The following PIP5K1B variants were observed in gnomAD, a reference collection of about 807,000 sequenced individuals.
PIP5K1B encodes phosphatidylinositol-4-phosphate 5-kinase type 1 beta.
A neutral mutation model predicts 67.0 loss-of-function variants in PIP5K1B; 42 were observed. The ratio of observed to expected loss-of-function variants is 0.63; its 90% CI spans 0.49 to 0.81. The LOEUF is 0.81. Among genes scored for constraint, PIP5K1B ranks in the 30% least tolerant of loss-of-function variants. The pLI, the probability that PIP5K1B is intolerant of heterozygous loss-of-function variation, is 0.00. For missense variants in PIP5K1B, 459 were observed against 646.3 expected (o/e 0.71, Z 3.14); for synonymous variants, 214 against 231.4 (o/e 0.92, Z 0.68).
chr9:68,834,634 G>C (rs1834501706), intron 4 of PIP5K1B, among the ~76,000 whole-genome samples: 1 of 152,104 alleles, frequency 6.6e-6, no homozygotes, highest in Admixed American at 6.5e-5. Flanking sequence ...ATATGTTCTT[G>C]AGCCTACAGT....
At chr9:68,885,646 G>A (rs1014074439) in intron 6 of PIP5K1B, among the ~76,000 whole-genome samples, 1 of 148,990 alleles carries the variant, frequency 6.7e-6, no homozygotes, top group Non-Finnish European at 1.5e-5. Flanking sequence ...GTATGCAAAG[G>A]CATGCAGAGT....
rs546740048 is a variant in PIP5K1B at position 68,716,316 on chromosome 9, A to C, written c.-243+10554A>C. 2.1e-4 allele frequency among the ~76,000 whole-genome samples: 32 copies of C among 152,356 alleles called. 1 individual carries two copies. The East Asian group carries it at 5.8e-3, about 27-fold the overall frequency. The stretch of plus-strand genomic sequence containing the variant: ...TGCCATAACATATAACTTGACTTAA[A>C]TAGGTTTGTCTGATCTCTCCCATCA... On this transcript the variant is annotated intron_variant, in intron 1 of 15. Coordinates refer to ENST00000265382, the MANE Select transcript of PIP5K1B (RefSeq NM_003558.4).
intron 2 of PIP5K1B, among the ~76,000 whole-genome samples, chr9:68,773,824 C>T (rs942936176): frequency 7.2e-5 from 11 of 152,042 alleles, no homozygotes; most frequent in Admixed American, 1.3e-4. Context: ...CTGTACTTAA[C>T]GGGCCCTCAA....
At chr9:68,845,191 G>A (rs922952243) in intron 4 of PIP5K1B, among the ~76,000 whole-genome samples, 3 of 152,198 alleles carry the variant, frequency 2.0e-5, no homozygotes, top group African/African-American at 7.2e-5. Context: ...GCCCCCTGGT[G>A]GCAGAAGGAG....
intron 5 of PIP5K1B, among the ~76,000 whole-genome samples, chr9:68,867,253 C>T (rs182868829): frequency 1.3e-5 from 2 of 152,288 alleles, no homozygotes; most frequent in African/African-American, 4.8e-5. Context: ...CACCCTCGGA[C>T]TCCGGCTCCC....
rs557344228 is a variant in PIP5K1B at position 68,781,222 on chromosome 9, T to G, written c.-85-37239T>G. On this transcript the variant is annotated intron_variant, in intron 2 of 15. Transcript: ENST00000265382. ...TTGGATACCCTTGAATTCAGTGTAG[T>G]AATATTTTCAGACGTTTCCCCAATA... The G allele has an allele frequency of 1.5e-5, 10 of 677,112 alleles. No individual in the cohort carries two copies. The South Asian group carries it at 1.8e-4, about 12-fold the overall frequency. The allele number at this position is 677,112 out of a possible 1,614,324, so 41.9% of individuals were successfully genotyped here. A position where few individuals can be genotyped will look rare whatever the true frequency, so the allele number is the denominator to read the frequency against.
intron 2 of PIP5K1B, among the ~76,000 whole-genome samples, chr9:68,790,576 A>C (rs2132495201): frequency 6.6e-6 from 1 of 150,762 alleles, no homozygotes; most frequent in East Asian, 1.9e-4. Flanking sequence ...GTGTATGTAC[A>C]CCCAAACGCA....
chr9:68,920,801 CAT>C (rs1445329295), intron 11 of PIP5K1B, among the ~76,000 whole-genome samples: 1 of 140,426 alleles, frequency 7.1e-6, no homozygotes, highest in African/African-American at 2.7e-5. Context: ...CATACACACA[CAT>C]ACACACACAC....
intron 9 of PIP5K1B, among the ~76,000 whole-genome samples, chr9:68,918,722 G>A (rs1040576515): frequency 2.0e-5 from 3 of 152,040 alleles, no homozygotes; most frequent in Non-Finnish European, 2.9e-5. Flanking sequence ...CTAAACCATG[G>A]GCATATTTCA....
At chr9:68,963,156 G>A (rs1327997543) in intron 14 of PIP5K1B, 1 of 456,092 alleles carries the variant, frequency 2.2e-6, no homozygotes, top group East Asian at 6.9e-5. Context: ...AAAATTGTGA[G>A]GACTAATGTG....
At chr9:68,849,907 T>C (rs1822397301) in intron 4 of PIP5K1B, among the ~76,000 whole-genome samples, 1 of 152,230 alleles carries the variant, frequency 6.6e-6, no homozygotes, top group Admixed American at 6.5e-5. Context: ...TATCTTTCAG[T>C]CTGATATATT....
At chr9:68,854,068 A>G (rs956408121) in intron 4 of PIP5K1B, among the ~76,000 whole-genome samples, 5 of 150,850 alleles carry the variant, frequency 3.3e-5, no homozygotes, top group Admixed American at 6.6e-5. Context: ...TGGACTGTAC[A>G]TACCAGATGT....
intron 2 of PIP5K1B, among the ~76,000 whole-genome samples, chr9:68,792,058 C>T (rs569955182): frequency 4.6e-5 from 7 of 152,364 alleles, no homozygotes; most frequent in African/African-American, 1.7e-4. Context: ...GCACATCTTT[C>T]CTGATGGCCC....
At position 68,936,026 on chromosome 9, in the gene PIP5K1B, T is replaced by C. The variant is rs74875866; in HGVS notation, c.1357+981T>C. On this transcript the variant is annotated intron_variant, in intron 13 of 15. Transcript: ENST00000265382. ...TTTATAATATTTTTCTTGTGTGGCTTGTACATATACCTTTTGTTAGATTTA... is the reference window on the plus strand; with the variant it reads ...TTTATAATATTTTTCTTGTGTGGCTCGTACATATACCTTTTGTTAGATTTA... 2.9e-3 allele frequency: 442 copies of C among 152,372 alleles called. 1 individual carries two copies. The highest frequency in any genetic ancestry group is 0.01 in the African/African-American group (422 of 41,598). 9.4% of individuals were successfully genotyped at this position (152,372 alleles called of 1,614,324 possible). A position where few individuals can be genotyped will look rare whatever the true frequency, so the allele number is the denominator to read the frequency against.
intron 1 of PIP5K1B, among the ~76,000 whole-genome samples, chr9:68,714,439 T>C (rs775038572): frequency 6.6e-6 from 1 of 152,242 alleles, no homozygotes; most frequent in Admixed American, 6.5e-5. Flanking sequence ...GATTCTATCC[T>C]AGCCCAACTT....
chr9:68,960,751 T>C (rs1309638228), intron 14 of PIP5K1B, among the ~76,000 whole-genome samples: 1 of 152,232 alleles, frequency 6.6e-6, no homozygotes, highest in Non-Finnish European at 1.5e-5. Context: ...CTGTAACTTA[T>C]CTGAGGAAGT....
At chr9:68,825,095 G>A (rs1036899378) in intron 4 of PIP5K1B, among the ~76,000 whole-genome samples, 1 of 152,158 alleles carries the variant, frequency 6.6e-6, no homozygotes, top group Non-Finnish European at 1.5e-5. Flanking sequence ...CATATTTAGA[G>A]AAGAAACATA....
chr9:68,778,412 CCT>C (rs527649212), intron 2 of PIP5K1B, among the ~76,000 whole-genome samples: 62 of 152,216 alleles, frequency 4.1e-4, no homozygotes, highest in African/African-American at 1.2e-3. Context: ...GTGCTATTTT[CCT>C]CTCTCAGTAA....
At chr9:68,935,075 A>G (rs1306524880) in intron 13 of PIP5K1B, 30 bp downstream of exon 13, 3 of 1,589,016 alleles carry the variant, frequency 1.9e-6, no homozygotes, top group African/African-American at 2.7e-5. Flanking sequence ...TTAAAAAGAC[A>G]AACGTTCTTG....
Sources: gnomAD v4.1 joint callset for allele counts (sites outside exome capture counted in the v4.1 genomes callset) on GRCh38, gnomAD v4.1.1 for gene constraint, MANE v1.5 for transcripts, NCBI Gene and HGNC (gene_info 2026-07-23, HGNC 2026-07-21) for gene names.